The following ADK variants were observed in gnomAD, a reference collection of about 807,000 sequenced individuals.
ADK encodes adenosine kinase.
ADK carries 24 observed loss-of-function variants against 44.7 expected under a neutral mutation model. That is an observed-to-expected ratio of 0.54 (90% CI 0.39 to 0.76). The LOEUF is 0.76. Ranked by LOEUF, ADK falls within the 30% of genes least tolerant of loss-of-function variation. The pLI, the probability that ADK is intolerant of heterozygous loss-of-function variation, is 0.00. For missense variants in ADK, 321 were observed against 425.1 expected, an observed-to-expected ratio of 0.76 and a Z score of 2.15; for synonymous variants, 128 against 142.6, an observed-to-expected ratio of 0.90 and a Z score of 0.73.
intron 3 of ADK, among the ~76,000 whole-genome samples, chr10:74,297,708 G>A (rs1281428336): frequency 6.6e-6 from 1 of 152,150 alleles, no homozygotes; most frequent in African/African-American, 2.4e-5. Context: ...TTTGGGAGAA[G>A]AAAGCATATT....
chr10:74,592,642 C>A (rs1851762874), intron 8 of ADK, among the ~76,000 whole-genome samples: 1 of 151,964 alleles, frequency 6.6e-6, no homozygotes, highest in Non-Finnish European at 1.5e-5. Flanking sequence ...ACAAAGCAAT[C>A]CTTTTCGCCT....
At chr10:74,698,601 T>G (rs10762639) in intron 10 of ADK, among the ~76,000 whole-genome samples, 120,301 of 152,134 alleles carry the variant, frequency 0.79, 47,717 homozygotes, top group Middle Eastern at 0.86. Flanking sequence ...TCTCCCATTC[T>G]GGAGTGCAGT....
At chr10:74,287,236 G>C (rs1468844457) in intron 3 of ADK, among the ~76,000 whole-genome samples, 1 of 152,026 alleles carries the variant, frequency 6.6e-6, no homozygotes, top group Non-Finnish European at 1.5e-5. Context: ...AGACTGAGGC[G>C]GGCAGATCAC....
chr10:74,532,276 G>A (rs1476468746), intron 7 of ADK, among the ~76,000 whole-genome samples: 3 of 151,946 alleles, frequency 2.0e-5, no homozygotes, highest in Non-Finnish European at 2.9e-5. Context: ...TCAGGAGTTT[G>A]AGACCAGCCT....
At chr10:74,699,283 GTACAGTATTTGTATCTAT>G (rs896542081) in intron 10 of ADK, among the ~76,000 whole-genome samples, 6 of 151,380 alleles carry the variant, frequency 4.0e-5, no homozygotes, top group African/African-American at 1.5e-4. Context: ...TGCTGACACA[GTACAGTATTTGTATCTAT>G]TAATAGCATA....
intron 6 of ADK, among the ~76,000 whole-genome samples, chr10:74,503,863 T>G (rs1423950031): frequency 6.6e-6 from 1 of 152,178 alleles, no homozygotes; most frequent in Non-Finnish European, 1.5e-5. Flanking sequence ...CCATATTTTA[T>G]CTCCAGGGCA....
chr10:74,482,084 A>C (rs1301570260), intron 6 of ADK, among the ~76,000 whole-genome samples: 1 of 152,232 alleles, frequency 6.6e-6, no homozygotes, highest in African/African-American at 2.4e-5. Context: ...TGTCAGTCTT[A>C]AACTGTGTTT....
chr10:74,375,444 A>G (rs1330699806), intron 4 of ADK, among the ~76,000 whole-genome samples: 1 of 152,228 alleles, frequency 6.6e-6, no homozygotes, highest in Non-Finnish European at 1.5e-5. Context: ...TAGTTGTGCA[A>G]GAATGGATGT....
Position 74,677,035 on chromosome 10 carries a change from G to A in ADK, c.964+6766G>A, listed in dbSNP as rs560517946. On this transcript the variant is annotated intron_variant, in intron 10 of 10. Coordinates refer to ENST00000539909, the MANE Select transcript of ADK (RefSeq NM_006721.4). Reference sequence around the variant, plus strand: ...CAAGGCAGGTGGACAGCTTGAGCTCGGCAGTTCAAGACCAGCCTGGACAAC... The same window carrying A: ...CAAGGCAGGTGGACAGCTTGAGCTCAGCAGTTCAAGACCAGCCTGGACAAC... Among the ~76,000 whole-genome samples, 15 of 152,166 alleles carry A rather than the reference G, an allele frequency of 9.9e-5. No homozygotes were observed. In the East Asian group the frequency reaches 2.5e-3, roughly 26 times the overall value.
At chr10:74,188,343 A>T (rs1427249747) in intron 1 of ADK, among the ~76,000 whole-genome samples, 47 of 81,376 alleles carry the variant, frequency 5.8e-4, no homozygotes, top group South Asian at 1.2e-3. Context: ...TGTATTTTTA[A>T]TTTTTTTTTT....
At chr10:74,275,857 T>C (rs529733414) in intron 3 of ADK, among the ~76,000 whole-genome samples, 1 of 152,212 alleles carries the variant, frequency 6.6e-6, no homozygotes, top group South Asian at 2.1e-4. Context: ...GCCAGGCTGT[T>C]CTTTAACTCC....
intron 7 of ADK, chr10:74,530,461 A>G (rs1849237062): frequency 2.0e-5 from 3 of 152,322 alleles, no homozygotes; most frequent in Admixed American, 2.0e-4. Context: ...AGTAGTAATG[A>G]TGATTTAAAA....
intron 6 of ADK, among the ~76,000 whole-genome samples, chr10:74,485,505 A>T (rs1331453468): frequency 1.4e-5 from 2 of 146,744 alleles, no homozygotes; most frequent in Non-Finnish European, 1.5e-5. Flanking sequence ...AAATAAATAA[A>T]TAATCCTTTG....
intron 1 of ADK, 76 bp from the exon 2 acceptor site, chr10:74,200,688 A>AT (rs1256861398): frequency 3.3e-5 from 32 of 967,362 alleles, no homozygotes; most frequent in Non-Finnish European, 4.6e-5. Flanking sequence ...GAAGATAGTT[A>AT]TTTTTATTTT....
intron 2 of ADK, among the ~76,000 whole-genome samples, chr10:74,222,141 C>T (rs2132234890): frequency 6.6e-6 from 1 of 151,986 alleles, no homozygotes; most frequent in East Asian, 1.9e-4. Flanking sequence ...CCAGAATCTA[C>T]AATGAACTCA....
intron 7 of ADK, among the ~76,000 whole-genome samples, chr10:74,547,050 AT>A (rs1002137657): frequency 3.1e-4 from 47 of 152,014 alleles, no homozygotes; most frequent in African/African-American, 1.1e-3. Flanking sequence ...TATCATATTT[AT>A]TTTTATTCCA....
intron 4 of ADK, among the ~76,000 whole-genome samples, chr10:74,317,998 T>C (rs190553290): frequency 2.4e-4 from 37 of 152,238 alleles, no homozygotes; most frequent in Admixed American, 2.1e-3. Context: ...GCCAGGATGG[T>C]CTTGATCTCT....
chr10:74,368,061 A>G (rs914383647), intron 4 of ADK, among the ~76,000 whole-genome samples: 4 of 152,230 alleles, frequency 2.6e-5, no homozygotes, highest in Admixed American at 2.0e-4. Flanking sequence ...GAAATTATGT[A>G]TTGGCATTGG....
intron 9 of ADK, among the ~76,000 whole-genome samples, chr10:74,644,071 A>G (rs1853973240): frequency 6.6e-6 from 1 of 152,232 alleles, no homozygotes; most frequent in Non-Finnish European, 1.5e-5. Flanking sequence ...TTTTTTAAAA[A>G]TATGTCCAGA....
Sources: gnomAD v4.1 joint callset for allele counts (sites outside exome capture counted in the v4.1 genomes callset) on GRCh38, gnomAD v4.1.1 for gene constraint, MANE v1.5 for transcripts, NCBI Gene and HGNC (gene_info 2026-07-23, HGNC 2026-07-21) for gene names.